SLC4A4: variants seen among roughly 807,000 people sequenced by gnomAD.
SLC4A4 encodes the protein electrogenic sodium bicarbonate cotransporter 1.
In SLC4A4, 27 loss-of-function variants were observed where a neutral mutation model predicts 111.5. The ratio of observed to expected loss-of-function variants is 0.24; its 90% confidence interval spans 0.18 to 0.33. SLC4A4 has a LOEUF of 0.33. Ranked by LOEUF, SLC4A4 falls within the 10% of genes least tolerant of loss-of-function variation. SLC4A4 has a pLI of 1.00. For synonymous variants in SLC4A4, 443 were observed against 463.4 expected (o/e 0.96, Z 0.57); for missense variants, 909 against 1,315.5 (o/e 0.69, Z 4.78).
At chr4:71,535,362 G>A (rs1267339007) in intron 18 of SLC4A4, among the ~76,000 whole-genome samples, 1 of 152,150 alleles carries the variant, frequency 6.6e-6, no homozygotes, top group African/African-American at 2.4e-5. Flanking sequence ...GGAAGATTCT[G>A]ATAAACTATC....
chr4:71,413,388 T>G (rs1244803225), intron 7 of SLC4A4, among the ~76,000 whole-genome samples: 1 of 152,204 alleles, frequency 6.6e-6, no homozygotes. Flanking sequence ...ATTGTGTGTT[T>G]TACCTCAACT....
At chr4:71,432,483 A>G (rs1427292408) in intron 7 of SLC4A4, among the ~76,000 whole-genome samples, 3 of 152,118 alleles carry the variant, frequency 2.0e-5, no homozygotes, top group East Asian at 1.9e-4. Context: ...GGCCCTTCCC[A>G]TGGATATTCT....
At chr4:71,140,533 T>TCCA (rs1743966621) in intron 2 of SLC4A4, among the ~76,000 whole-genome samples, 1 of 152,220 alleles carries the variant, frequency 6.6e-6, no homozygotes, top group Non-Finnish European at 1.5e-5. Context: ...AATTTCCAGT[T>TCCA]GTATTCATCA....
intron 3 of SLC4A4, among the ~76,000 whole-genome samples, chr4:71,284,618 G>A (rs1336780093): frequency 6.6e-6 from 1 of 152,090 alleles, no homozygotes; most frequent in Non-Finnish European, 1.5e-5. Flanking sequence ...TCAAGTCATT[G>A]CTAATAATGT....
At chr4:71,536,449 C>CATATATACATATATATATATAT (rs1424582409) in intron 18 of SLC4A4, among the ~76,000 whole-genome samples, 1 of 4,850 alleles carries the variant, frequency 2.1e-4, no homozygotes, top group South Asian at 0.012. Flanking sequence ...AGCATATATA[C>CATATATACATATATATATATAT]ATATATACAT....
intron 2 of SLC4A4, among the ~76,000 whole-genome samples, chr4:71,241,596 C>A (rs3113801): frequency 0.92 from 139,233 of 152,062 alleles, 64,513 homozygotes; most frequent in East Asian, 0.99. Flanking sequence ...ATCGGATGGG[C>A]AGGGAGGGGC....
At chr4:71,185,593 G>C (rs539601745), upstream of SLC4A4, among the ~76,000 whole-genome samples, 1 of 152,180 alleles carries the variant, frequency 6.6e-6, no homozygotes, top group Non-Finnish European at 1.5e-5. Flanking sequence ...TCAGATTGGC[G>C]TGTTTCCTTG....
At chr4:71,340,302 C>T (rs979579304) in intron 4 of SLC4A4, among the ~76,000 whole-genome samples, 10 of 152,058 alleles carry the variant, frequency 6.6e-5, no homozygotes, top group Non-Finnish European at 1.5e-5. Context: ...CCAAGGTTAT[C>T]CACAGTTTAG....
Position 71,386,713 on chromosome 4 carries a change from C to G in SLC4A4, c.731-10864C>G, listed in dbSNP as rs545325267. Among the ~76,000 whole-genome samples, 7 of 152,086 alleles carry G rather than the reference C, an allele frequency of 4.6e-5. No homozygotes were observed. The South Asian group carries it at 1.5e-3, about 32-fold the overall frequency. Reference sequence around the variant, plus strand: ...TCTTCATGTTTTGTGGATACAGTATCTTCTTAAATCTCTAAAAACTAATTA... The same window carrying G: ...TCTTCATGTTTTGTGGATACAGTATGTTCTTAAATCTCTAAAAACTAATTA... On this transcript the variant is annotated intron_variant, in intron 6 of 25. Coordinates refer to ENST00000264485, the MANE Select transcript of SLC4A4 (RefSeq NM_001098484.3).
At position 71,350,026 on chromosome 4, in the gene SLC4A4, A is replaced by T; in HGVS notation, c.504A>T (p.Gly168=). The stretch of plus-strand genomic sequence containing the variant: ...AGCTGAGGACATGTATGGAGAAAGG[A>T]TCCATCATGCTTGATCGGGAGGCTT... The part of the protein sequence containing the change: ...LFELRTCMEK[G]SIMLDREASS... The change falls in exon 5 of 26, where the codon GGA becomes GGT. Residue 168 remains glycine (G), a synonymous_variant. Transcript: ENST00000264485. The T allele has an allele frequency of 1.2e-6, 2 of 1,614,100 alleles. No homozygotes were observed. Among genetic ancestry groups the T allele is most frequent in the Non-Finnish European group, 1.7e-6 (2 of 1,179,996 alleles).
chr4:71,075,264 G>A (rs1177138878), intron 1 of SLC4A4, among the ~76,000 whole-genome samples: 3 of 152,088 alleles, frequency 2.0e-5, no homozygotes, highest in Non-Finnish European at 2.9e-5. Context: ...TTGTTCATCC[G>A]GACTAGTCTC....
intron 1 of SLC4A4, among the ~76,000 whole-genome samples, chr4:71,188,385 A>G (rs1458122160): frequency 6.6e-6 from 1 of 151,984 alleles, no homozygotes; most frequent in Non-Finnish European, 1.5e-5. Context: ...AGCTCTTTCC[A>G]ACTTGACACT....
At chr4:71,499,746 T>TTGGATTTCCTTTGTTTTATG (rs1730737936) in intron 16 of SLC4A4, among the ~76,000 whole-genome samples, 1 of 152,044 alleles carries the variant, frequency 6.6e-6, no homozygotes, top group Non-Finnish European at 1.5e-5. Context: ...TCCAAATTAT[T>TTGGATTTCCTTTGTTTTATG]GCTAATGACA....
intron 1 of SLC4A4, among the ~76,000 whole-genome samples, chr4:71,201,164 G>A (rs1560775886): frequency 1.3e-5 from 2 of 152,290 alleles, no homozygotes; most frequent in Middle Eastern, 3.4e-3. Flanking sequence ...TACCTGTTGG[G>A]GAGTTAAGGA....
rs748878877 is a variant in SLC4A4, at chr4:71,563,817, G to C, written c.3124G>C (p.Val1042Leu). The change falls in exon 24 of 26, where the codon GTT becomes CTT. Residue 1042 changes from valine (V) to leucine (L), a missense_variant. Transcript: ENST00000264485. Reference sequence around the variant, plus strand: ...GTCTGACTGCCCATACTCAGAAAAAGTTCCAAGTATTAAAATTCCAATGGA... The same window carrying C: ...GTCTGACTGCCCATACTCAGAAAAACTTCCAAGTATTAAAATTCCAATGGA... ...DDSDCPYSEK[V>L]PSIKIPMDIM... 6.2e-7 allele frequency: 1 copy of C among 1,610,738 alleles called. No individual in the cohort carries two copies. Among genetic ancestry groups the C allele is most frequent in the Non-Finnish European group, 8.5e-7 (1 of 1,177,674 alleles).
At chr4:71,364,177 C>A (rs566032239) in intron 6 of SLC4A4, among the ~76,000 whole-genome samples, 2 of 152,244 alleles carry the variant, frequency 1.3e-5, no homozygotes, top group East Asian at 3.9e-4. Context: ...ACTTTGTAAT[C>A]TTCTTTTTAA....
chr4:71,563,859 C>G lies in SLC4A4; in HGVS notation c.3166C>G (p.Pro1056Ala). Residue 1056 changes from proline (P) to alanine (A), a missense_variant, in exon 24 of 26, where the codon CCT (proline) becomes GCT (alanine). By Grantham distance (27) the Pro-to-Ala change is conservative. Transcript: ENST00000264485. Reference protein sequence around the residue: ...KIPMDIMEQQPFLSDSKPSDR... With the variant: ...KIPMDIMEQQAFLSDSKPSDR... ...TCCAATGGACATCATGGAACAGCAA[C>G]CTTTCCTAAGCGATAGCAAACCTTC... is the stretch of plus-strand genomic sequence containing the variant. 1 of 1,611,142 alleles carries G rather than the reference C, an allele frequency of 6.2e-7. No individual in the cohort carries two copies. The highest frequency in any genetic ancestry group is 8.5e-7 in the Non-Finnish European group (1 of 1,177,960).
rs373380543 is a variant in SLC4A4 at position 71,534,160 on chromosome 4, G to T, written c.2281-67G>T. 2.0e-5 allele frequency: 29 copies of T among 1,447,176 alleles called. No individual in the cohort carries two copies. The African/African-American group carries it at 2.5e-4, about 13-fold the overall frequency. The allele number at this position is 1,447,176 out of a possible 1,614,324, so 89.6% of individuals were successfully genotyped here. A position where few individuals can be genotyped will look rare whatever the true frequency, so the allele number is the denominator to read the frequency against. Reference sequence around the variant, plus strand: ...AATATAAAAGCATGTCTTCCCGTTGGTTTTTTCACCAAATAGTATATATTA... The same window carrying T: ...AATATAAAAGCATGTCTTCCCGTTGTTTTTTTCACCAAATAGTATATATTA... On this transcript the variant is annotated intron_variant, in intron 17 of 25. Coordinates refer to ENST00000264485, the MANE Select transcript of SLC4A4 (RefSeq NM_001098484.3).
chr4:71,247,134 T>G (rs989722047), intron 2 of SLC4A4, among the ~76,000 whole-genome samples: 7 of 151,338 alleles, frequency 4.6e-5, no homozygotes, highest in Non-Finnish European at 1.0e-4. Context: ...CCTACATATG[T>G]GTATATGAAG....
Sources: allele counts gnomAD v4.1 joint callset (sites outside exome capture counted in the v4.1 genomes callset), GRCh38; gene constraint gnomAD v4.1.1; transcripts MANE v1.5; gene names NCBI Gene and HGNC (gene_info 2026-07-23, HGNC 2026-07-21).